CPNE1: variants seen among roughly 807,000 people sequenced by gnomAD.
CPNE1 encodes copine-1.
A neutral mutation model predicts 63.2 loss-of-function variants in CPNE1; 58 were observed. The observed-to-expected ratio is 0.92, with a 90% CI of 0.74 to 1.14. The LOEUF is 1.14. CPNE1 is among the 50% of genes most tolerant of loss of function. The pLI, the probability that CPNE1 is intolerant of heterozygous loss-of-function variation, is 0.00. For synonymous variants in CPNE1, 237 were observed against 249.0 expected (o/e 0.95, Z 0.45); for missense variants, 672 against 661.7 (o/e 1.02, Z -0.17).
rs774835402 is a variant in CPNE1 at position 35,632,530 on chromosome 20, C to T, written c.296G>A (p.Cys99Tyr). ...AGCCCTACATACCTGTCCTAGGGAA[C>T]ACTCAGCACCCCCTAGGAAGTCATC... ...RDDDFLGGAE[C>Y]SLGQIVSSQV... The change falls in exon 3 of 16, where the codon TGT becomes TAT. Residue 99 changes from cysteine (C) to tyrosine (Y), a missense_variant. Coordinates refer to ENST00000397443, the MANE Select transcript of CPNE1 (RefSeq NM_152925.3). The T allele has an allele frequency of 6.2e-7, 1 of 1,613,602 alleles. No individual in the cohort carries two copies. Among genetic ancestry groups the T allele is most frequent in the Non-Finnish European group, 8.5e-7 (1 of 1,179,682 alleles).
chr20:35,654,668 G>A (rs775462629), intron 1 of CPNE1: 2 of 1,613,630 alleles, frequency 1.2e-6, no homozygotes, highest in Admixed American at 1.7e-5. Context: ...GGAGGCACAG[G>A]AGGCAATGTA....
Position 35,631,044 on chromosome 20 carries a change from G to A in CPNE1, c.862-10C>T. ...TGAAGTCCACGCCCACCTGGGAGGA[G>A]GTGAGGAAGGCAGCTAAAGGCCACC... On this transcript the variant is annotated splice_polypyrimidine_tract_variant and intron_variant, in intron 10 of 15. Coordinates refer to ENST00000397443, the MANE Select transcript of CPNE1 (RefSeq NM_152925.3). The A allele has an allele frequency of 1.9e-6, 3 of 1,614,068 alleles. No homozygotes were observed. In the East Asian group the frequency reaches 6.7e-5, roughly 36 times the overall value.
In CPNE1 at chr20:35,632,835, C is replaced by G; in HGVS notation, c.89G>C (p.Cys30Ser). 1 of 872,910 alleles carries G rather than the reference C, an allele frequency of 1.1e-6. No individual in the cohort carries two copies. Among genetic ancestry groups the G allele is most frequent in the Non-Finnish European group, 2.0e-6 (1 of 501,642 alleles). The allele number at this position is 872,910 out of a possible 1,614,324, so 54.1% of individuals were successfully genotyped here. The stretch of plus-strand genomic sequence containing the variant: ...CCCTCCCACATCCTGTAAAAGGACG[C>G]AGAGTGGGTCAGACTTGGAGCCGAT... ...KDIGSKSDPL[C>S]VLLQDVGGGS... is the part of the protein sequence containing the mutation. Residue 30 changes from cysteine to serine, a missense_variant, in exon 2 of 16, where the codon TGC becomes TCC. Physicochemically the swap from Cys to Ser is moderately radical, Grantham distance 112. Transcript: ENST00000397443.
chr20:35,659,138 CAAAAAAA>C lies in CPNE1; in HGVS notation c.-1+5615_-1+5621del, dbSNP rs370328377. The stretch of plus-strand genomic sequence containing the variant: ...CAGAGTACTTCATTAGAATGCATAT[CAAAAAAA>C]AAAAAAAAAAGAAAGACACCGTAAC... On this transcript the variant is annotated intron_variant, in intron 1 of 15. Coordinates refer to ENST00000397443, the MANE Select transcript of CPNE1 (RefSeq NM_152925.3). 57 of 272,332 alleles carry C rather than the reference CAAAAAAA, an allele frequency of 2.1e-4. 2 individuals are homozygous for C. Among genetic ancestry groups the C allele is most frequent in the Middle Eastern group, 1.8e-3 (2 of 1,098 alleles). 16.9% of individuals were successfully genotyped at this position (272,332 alleles called of 1,614,324 possible). A position where few individuals can be genotyped will look rare whatever the true frequency, so the allele number is the denominator to read the frequency against.
intron 1 of CPNE1, among the ~76,000 whole-genome samples, chr20:35,636,867 C>T (rs1444868821): frequency 6.6e-6 from 1 of 152,044 alleles, no homozygotes; most frequent in African/African-American, 2.4e-5. Flanking sequence ...ATCTTTATAA[C>T]AGATTTGAAT....
At chr20:35,656,143 G>A (rs1601483479) in intron 1 of CPNE1, among the ~76,000 whole-genome samples, 2 of 152,186 alleles carry the variant, frequency 1.3e-5, no homozygotes, top group East Asian at 3.9e-4. Flanking sequence ...TTAAAACTCA[G>A]GTCCAATGAC....
rs957251114 is a variant in CPNE1 at position 35,632,398 on chromosome 20, A to T, written c.310-13T>A. Reference sequence around the variant, plus strand: ...GGCTGGACACAATCTGGGGAAAAGCAGGGAAGGGAGTTTCAGGATAACAGG... The same window carrying T: ...GGCTGGACACAATCTGGGGAAAAGCTGGGAAGGGAGTTTCAGGATAACAGG... On this transcript the variant is annotated splice_polypyrimidine_tract_variant and intron_variant, in intron 3 of 15. Coordinates refer to ENST00000397443, the MANE Select transcript of CPNE1 (RefSeq NM_152925.3). 5.6e-6 allele frequency: 9 copies of T among 1,613,688 alleles called. No individual in the cohort carries two copies. The highest frequency in any genetic ancestry group is 7.6e-6 in the Non-Finnish European group (9 of 1,179,644).
At position 35,631,416 on chromosome 20, in the gene CPNE1, G is replaced by A. The variant is rs1397592901; in HGVS notation, c.715-62C>T. The A allele has an allele frequency of 1.1e-5, 17 of 1,600,282 alleles. No individual in the cohort carries two copies. The East Asian group carries it at 3.8e-4, about 36-fold the overall frequency. Reference sequence around the variant, plus strand: ...AGAGCATCAGTCAAGGACTCGAGCTGCCTTCTCCTTCCTCTCTCCCACAAG... The same window carrying A: ...AGAGCATCAGTCAAGGACTCGAGCTACCTTCTCCTTCCTCTCTCCCACAAG... On this transcript the variant is annotated intron_variant, in intron 8 of 15. Coordinates refer to ENST00000397443, the MANE Select transcript of CPNE1 (RefSeq NM_152925.3).
intron 1 of CPNE1, chr20:35,659,141 A>G: frequency 3.0e-6 from 1 of 330,028 alleles, no homozygotes. Flanking sequence ...TGCATATCAA[A>G]AAAAAAAAAA....
intron 1 of CPNE1, among the ~76,000 whole-genome samples, chr20:35,647,654 A>C (rs890296408): frequency 1.3e-5 from 2 of 152,108 alleles, no homozygotes; most frequent in African/African-American, 2.4e-5. Context: ...ACTCACTGCT[A>C]GTTAACGTTG....
At chr20:35,638,739 C>T (rs1047400738) in intron 1 of CPNE1, among the ~76,000 whole-genome samples, 2 of 152,084 alleles carry the variant, frequency 1.3e-5, no homozygotes, top group African/African-American at 4.8e-5. Context: ...TTGAAACAGC[C>T]CAGGTATTCA....
At chr20:35,652,823 C>CA (rs1568933617) in intron 1 of CPNE1, 2 of 1,597,160 alleles carry the variant, frequency 1.3e-6, no homozygotes, top group Admixed American at 3.4e-5. Context: ...GGGCCAGGGC[C>CA]GGGGCCGGGG....
chr20:35,646,490 T>C (rs2033112394), intron 1 of CPNE1, among the ~76,000 whole-genome samples: 1 of 151,396 alleles, frequency 6.6e-6, no homozygotes, highest in Admixed American at 6.6e-5. Context: ...CCCAAAGTGC[T>C]GGGATTACAG....
intron 14 of CPNE1, 136 bp downstream of exon 14, chr20:35,627,144 C>T (rs1025080800): frequency 1.9e-5 from 16 of 852,806 alleles, no homozygotes; most frequent in East Asian, 1.7e-4. Context: ...GCTGAGATCG[C>T]GTCACTGCAC....
At chr20:35,659,300 G>C (rs2034100710) in intron 1 of CPNE1, among the ~76,000 whole-genome samples, 1 of 152,072 alleles carries the variant, frequency 6.6e-6, no homozygotes, top group African/African-American at 2.4e-5. Context: ...CAGTCATAAA[G>C]CTCAGCTTCA....
chr20:35,654,677 T>C, intron 1 of CPNE1: 3 of 1,613,396 alleles, frequency 1.9e-6, no homozygotes, highest in Non-Finnish European at 2.5e-6. Context: ...GGAGGCAATG[T>C]AGGTACTGGA....
At chr20:35,654,604 G>A (rs1201294868) in intron 1 of CPNE1, 3 of 1,614,076 alleles carry the variant, frequency 1.9e-6, no homozygotes, top group Non-Finnish European at 1.7e-6. Context: ...GCCCGACATG[G>A]GTGGCAGTGG....
Position 35,632,184 on chromosome 20 carries a change from C to T in CPNE1, c.435G>A (p.Glu145=). The stretch of plus-strand genomic sequence containing the variant: ...ACACCTTCTTATCTAGGTTTCTGGC[C>T]TCTACCTCCATGGTTACTACACGAT... ...KDNRVVTMEV[E]ARNLDKKDFL... The change falls in exon 5 of 16, where the codon GAG becomes GAA. Residue 145 remains glutamate, a synonymous_variant. Transcript: ENST00000397443. 6.2e-7 allele frequency: 1 copy of T among 1,614,154 alleles called. No homozygotes were observed. The highest frequency in any genetic ancestry group is 2.2e-5 in the East Asian group (1 of 44,894).
intron 1 of CPNE1, chr20:35,654,706 G>T: frequency 6.2e-7 from 1 of 1,613,830 alleles, no homozygotes. Flanking sequence ...TGGAATTGGG[G>T]GAATGGATGG....
Sources: allele counts gnomAD v4.1 joint callset (sites outside exome capture counted in the v4.1 genomes callset), GRCh38; gene constraint gnomAD v4.1.1; transcripts MANE v1.5; gene names NCBI Gene and HGNC (gene_info 2026-07-23, HGNC 2026-07-21).